Variants in PITPNM2 observed in about 807,000 individuals in gnomAD.
The protein encoded by PITPNM2 is phosphatidylinositol transfer protein membrane associated 2.
In PITPNM2, 35 loss-of-function variants were observed where a neutral mutation model predicts 132.2. That is an observed-to-expected ratio of 0.26 (90% confidence interval 0.20 to 0.35). PITPNM2 has a LOEUF of 0.35. Among genes scored for constraint, PITPNM2 ranks in the 10% least tolerant of loss-of-function variants. The pLI, the probability that PITPNM2 is intolerant of heterozygous loss-of-function variation, is 1.00. For synonymous variants in PITPNM2, 738 were observed against 799.2 expected (o/e 0.92, Z 1.29); for missense variants, 1,332 against 1,912.0 (o/e 0.70, Z 5.66).
At chr12:122,987,179 G>T in intron 23 of PITPNM2, 102 bp downstream of exon 23, 1 of 1,518,436 alleles carries the variant, frequency 6.6e-7, no homozygotes, top group South Asian at 1.2e-5. Flanking sequence ...CGAGCCAGGC[G>T]TCCCCCACAG....
chr12:122,996,639 A>T, intron 12 of PITPNM2, 62 bp from the exon 13 acceptor site: 1 of 1,610,898 alleles, frequency 6.2e-7, no homozygotes, highest in East Asian at 2.2e-5. Context: ...TAGGCTGGGG[A>T]GGCCGTCACC....
At chr12:123,030,247 G>A (rs2040033750) in intron 3 of PITPNM2, among the ~76,000 whole-genome samples, 1 of 152,184 alleles carries the variant, frequency 6.6e-6, no homozygotes, top group Non-Finnish European at 1.5e-5. Flanking sequence ...TGAGGATGTG[G>A]AGAAACTGGA....
intron 3 of PITPNM2, among the ~76,000 whole-genome samples, chr12:123,017,148 A>T (rs1035925273): frequency 1.3e-5 from 2 of 151,892 alleles, no homozygotes; most frequent in Non-Finnish European, 2.9e-5. Context: ...AGGCAGGTGG[A>T]TCACTTGAAG....
chr12:123,149,769 C>CACTT (rs2043689545), intron 1 of PITPNM2: 1 of 152,448 alleles, frequency 6.6e-6, no homozygotes, highest in South Asian at 2.1e-4. Flanking sequence ...TGAAGGGGAG[C>CACTT]ACTTACTGCC....
intron 3 of PITPNM2, among the ~76,000 whole-genome samples, chr12:123,028,789 C>T (rs940732993): frequency 2.0e-5 from 3 of 152,254 alleles, no homozygotes; most frequent in African/African-American, 4.8e-5. Context: ...CGGGCACAGA[C>T]GGGCAGGTGG....
chr12:123,068,959 T>C (rs1359243878), intron 2 of PITPNM2, among the ~76,000 whole-genome samples: 1 of 152,130 alleles, frequency 6.6e-6, no homozygotes, highest in Non-Finnish European at 1.5e-5. Context: ...TTGTTTAAAA[T>C]GTAGATTCCA....
At chr12:123,032,985 T>A (rs2136445505) in intron 3 of PITPNM2, among the ~76,000 whole-genome samples, 1 of 152,286 alleles carries the variant, frequency 6.6e-6, no homozygotes, top group East Asian at 1.9e-4. Context: ...AGAAGGCAGC[T>A]GGGGCTGCAG....
At chr12:123,061,806 G>C (rs2041244141) in intron 2 of PITPNM2, among the ~76,000 whole-genome samples, 1 of 152,180 alleles carries the variant, frequency 6.6e-6, no homozygotes, top group African/African-American at 2.4e-5. Flanking sequence ...GCTGCCGACA[G>C]AGTTTGGACA....
Position 123,009,805 on chromosome 12 carries a change from G to A in PITPNM2, c.643+45C>T, listed in dbSNP as rs1387833227. 6.5e-7 allele frequency: 1 copy of A among 1,541,994 alleles called. No homozygotes were observed. Among genetic ancestry groups the A allele is most frequent in the Non-Finnish European group, 9.0e-7 (1 of 1,115,214 alleles). On this transcript the variant is annotated intron_variant, in intron 6 of 25. Coordinates refer to ENST00000320201, the MANE Select transcript of PITPNM2 (RefSeq NM_020845.3). This position sits in a 1 kb window ranked among gnomAD's most constrained non-coding sequence, Gnocchi z 4.8. Reference sequence around the variant, plus strand: ...ACAGGCAGGTGACAGGAGACAGAGGGGTTGGGTAGCCCAGCCACTGCCCAC... The same window carrying A: ...ACAGGCAGGTGACAGGAGACAGAGGAGTTGGGTAGCCCAGCCACTGCCCAC...
Position 123,120,380 on chromosome 12 carries a change from G to A in PITPNM2, c.-199-9892C>T, listed in dbSNP as rs138486186. Among the ~76,000 whole-genome samples the A allele has an allele frequency of 3.0e-4, 45 of 152,320 alleles. No homozygotes were observed. The East Asian group carries it at 8.7e-3, about 29-fold the overall frequency. ...AGTCACAGGTTGGCTGGGAGGCACT[G>A]GCCCAGGGCAGCAGCCTCCTTGTCA... is the stretch of plus-strand genomic sequence containing the variant. On this transcript the variant is annotated intron_variant, in intron 1 of 25. Transcript: ENST00000320201.
intron 1 of PITPNM2, among the ~76,000 whole-genome samples, chr12:123,123,555 G>A (rs973778251): frequency 2.0e-5 from 3 of 152,050 alleles, no homozygotes; most frequent in African/African-American, 4.8e-5. Context: ...AGGCTGCAGT[G>A]AGCTATGATC....
chr12:123,074,602 C>A lies in PITPNM2; in HGVS notation c.-96+35783G>T, dbSNP rs550413674. 2.6e-5 allele frequency among the ~76,000 whole-genome samples: 4 copies of A among 152,052 alleles called. No individual in the cohort carries two copies. In the East Asian group the frequency reaches 7.7e-4, roughly 29 times the overall value. Reference sequence around the variant, plus strand: ...ACACATCACACACCTCACATAGACACACACATGCCTACACATACACCCACC... The same window carrying A: ...ACACATCACACACCTCACATAGACAAACACATGCCTACACATACACCCACC... On this transcript the variant is annotated intron_variant, in intron 2 of 25. Transcript: ENST00000320201.
chr12:123,025,913 T>A (rs781420016), intron 3 of PITPNM2, among the ~76,000 whole-genome samples: 2 of 152,160 alleles, frequency 1.3e-5, no homozygotes, highest in African/African-American at 4.8e-5. Context: ...AAGTCACAGA[T>A]GAGACGATCG....
At chr12:123,128,264 C>CAAAAAAAAAAAAAAAAA in intron 1 of PITPNM2, among the ~76,000 whole-genome samples, 1 of 22,752 alleles carries the variant, frequency 4.4e-5, no homozygotes, top group Admixed American at 5.4e-4. Flanking sequence ...CCCATCTCTA[C>CAAAAAAAAAAAAAAAAA]AAAAAAAAAA....
At chr12:123,086,367 T>C (rs2042111631) in intron 2 of PITPNM2, among the ~76,000 whole-genome samples, 1 of 152,234 alleles carries the variant, frequency 6.6e-6, no homozygotes, top group Admixed American at 6.5e-5. Context: ...GTTTGTCTCT[T>C]GGGCTTTTCT....
chr12:123,026,166 C>T (rs2039856297), intron 3 of PITPNM2, among the ~76,000 whole-genome samples: 1 of 152,254 alleles, frequency 6.6e-6, no homozygotes, highest in South Asian at 2.1e-4. Context: ...TCTTTGGTGT[C>T]AATTTCCAAA....
intron 2 of PITPNM2, among the ~76,000 whole-genome samples, chr12:123,048,026 G>C (rs1249281546): frequency 1.3e-5 from 2 of 151,696 alleles, no homozygotes; most frequent in Non-Finnish European, 2.9e-5. Flanking sequence ...TTGAACCTGG[G>C]AGGTGGAGGT....
At chr12:123,137,128 C>T (rs577138280) in intron 1 of PITPNM2, among the ~76,000 whole-genome samples, 1 of 152,310 alleles carries the variant, frequency 6.6e-6, no homozygotes, top group South Asian at 2.1e-4. Flanking sequence ...GGCGGCTGCC[C>T]ATGTCATCCT....
chr12:123,041,520 A>T (rs1228431438), intron 2 of PITPNM2, among the ~76,000 whole-genome samples: 1 of 152,166 alleles, frequency 6.6e-6, no homozygotes, highest in East Asian at 1.9e-4. Flanking sequence ...GTATCAGAGC[A>T]GTGTGACTTG....
Sources: allele counts gnomAD v4.1 joint callset (sites outside exome capture counted in the v4.1 genomes callset), GRCh38; gene constraint gnomAD v4.1.1; non-coding constraint Gnocchi (gnomAD v3.1); transcripts MANE v1.5; gene names NCBI Gene and HGNC (gene_info 2026-07-23, HGNC 2026-07-21).